ULK4: variants seen among roughly 807,000 people sequenced by gnomAD.
The protein encoded by ULK4 is inactive serine/threonine-protein kinase ULK4.
A neutral mutation model predicts 160.6 loss-of-function variants in ULK4; 133 were observed. That is an observed-to-expected ratio of 0.83 (90% CI 0.72 to 0.96). ULK4 has a LOEUF of 0.96. ULK4 is among the 40% of genes least tolerant of loss of function. The pLI, the probability that ULK4 is intolerant of heterozygous loss-of-function variation, is 0.00. For synonymous variants in ULK4, 534 were observed against 539.8 expected, an observed-to-expected ratio of 0.99 and a Z score of 0.15; for missense variants, 1,580 against 1,499.5, an observed-to-expected ratio of 1.05 and a Z score of -0.89.
chr3:41,645,140 A>C (rs565168116), intron 30 of ULK4, among the ~76,000 whole-genome samples: 4 of 151,888 alleles, frequency 2.6e-5, no homozygotes, highest in African/African-American at 9.7e-5. Context: ...TTTTCAAAAA[A>C]CCAGCTCCTG....
At chr3:41,465,027 AGT>A (rs2083791697) in intron 32 of ULK4, among the ~76,000 whole-genome samples, 1 of 152,232 alleles carries the variant, frequency 6.6e-6, no homozygotes, top group African/African-American at 2.4e-5. Context: ...TACACACTGA[AGT>A]CACCAGCTCC....
chr3:41,786,168 C>A (rs1307981964), intron 21 of ULK4, among the ~76,000 whole-genome samples: 1 of 152,154 alleles, frequency 6.6e-6, no homozygotes, highest in South Asian at 2.1e-4. Flanking sequence ...CAAATTACTG[C>A]GTTTTGTTTA....
At chr3:41,503,918 T>C (rs189915113) in intron 32 of ULK4, among the ~76,000 whole-genome samples, 18 of 152,298 alleles carry the variant, frequency 1.2e-4, no homozygotes, top group African/African-American at 2.9e-4. Context: ...CATTTGGAAC[T>C]AGTCATTTCA....
chr3:41,723,311 T>G (rs1255383806), intron 22 of ULK4, among the ~76,000 whole-genome samples: 1 of 152,126 alleles, frequency 6.6e-6, no homozygotes, highest in African/African-American at 2.4e-5. Flanking sequence ...TTGTTGATCT[T>G]TTGTTATTGA....
intron 36 of ULK4, among the ~76,000 whole-genome samples, chr3:41,249,276 C>T (rs1002441858): frequency 1.3e-5 from 2 of 152,192 alleles, no homozygotes; most frequent in Non-Finnish European, 2.9e-5. Context: ...TGATTCCTGT[C>T]CCCTCACTTT....
intron 22 of ULK4, among the ~76,000 whole-genome samples, chr3:41,735,863 C>A (rs1164627041): frequency 8.8e-6 from 1 of 114,154 alleles, no homozygotes; most frequent in Non-Finnish European, 1.7e-5. Context: ...CACAACAGTC[C>A]CCAGAGTGTG....
intron 1 of ULK4, among the ~76,000 whole-genome samples, chr3:41,958,006 T>TCTAGCCTGG (rs1167379780): frequency 6.8e-6 from 1 of 147,978 alleles, no homozygotes; most frequent in Non-Finnish European, 1.5e-5. Flanking sequence ...ATCTCACCAC[T>TCTAGCCTGG]GCACTCTAGC....
chr3:41,407,056 A>G (rs1304171611), intron 34 of ULK4, among the ~76,000 whole-genome samples: 1 of 152,222 alleles, frequency 6.6e-6, no homozygotes, highest in African/African-American at 2.4e-5. Flanking sequence ...TAGAGTTGAT[A>G]GGACAAGTTT....
At chr3:41,950,406 GA>G (rs1331189264) in intron 2 of ULK4, among the ~76,000 whole-genome samples, 4 of 152,076 alleles carry the variant, frequency 2.6e-5, no homozygotes, top group Non-Finnish European at 5.9e-5. Context: ...ATGCCCGGCT[GA>G]TTTTTTTGTA....
chr3:41,525,941 C>T (rs1451274428), intron 32 of ULK4, among the ~76,000 whole-genome samples: 2 of 152,296 alleles, frequency 1.3e-5, no homozygotes, highest in Non-Finnish European at 2.9e-5. Flanking sequence ...TATCTGCCAC[C>T]TCCCTGAGGA....
intron 1 of ULK4, among the ~76,000 whole-genome samples, chr3:41,957,177 G>T (rs1009615743): frequency 1.3e-5 from 2 of 152,042 alleles, no homozygotes; most frequent in Admixed American, 6.6e-5. Flanking sequence ...TTTCAGGCTG[G>T]GTGCAGTGGC....
rs376403198 is a variant in ULK4, at chr3:41,389,315, A to C, written c.3678+8764T>G. On this transcript the variant is annotated intron_variant, in intron 35 of 36. Transcript: ENST00000301831. ...CTAGATATACAATCATGTCATCTGG[A>C]AACAGGGACAATTTGACTTCCTGTT... Among the ~76,000 whole-genome samples, 12 of 152,272 alleles carry C rather than the reference A, an allele frequency of 7.9e-5. No homozygotes were observed. The East Asian group carries it at 1.9e-3, about 24-fold the overall frequency.
At chr3:41,803,745 T>C (rs946799094) in intron 19 of ULK4, among the ~76,000 whole-genome samples, 2 of 152,136 alleles carry the variant, frequency 1.3e-5, no homozygotes, top group Admixed American at 6.5e-5. Context: ...GTTTGGTTTT[T>C]TGTCCTTGCA....
intron 21 of ULK4, among the ~76,000 whole-genome samples, chr3:41,764,360 C>A (rs2039088417): frequency 6.6e-6 from 1 of 151,914 alleles, no homozygotes; most frequent in South Asian, 2.1e-4. Flanking sequence ...ACTAGATAAC[C>A]ATAAAGATTG....
chr3:41,726,052 T>TA (rs1053374241), intron 22 of ULK4, among the ~76,000 whole-genome samples: 1 of 152,146 alleles, frequency 6.6e-6, no homozygotes, highest in African/African-American at 2.4e-5. Flanking sequence ...TTACAGAGTA[T>TA]AAAAAAAGCA....
intron 34 of ULK4, among the ~76,000 whole-genome samples, chr3:41,424,675 C>G (rs1169227808): frequency 3.3e-5 from 5 of 151,830 alleles, no homozygotes; most frequent in African/African-American, 9.7e-5. Context: ...CTGAAGCAGC[C>G]CTATGGAAGA....
chr3:41,510,676 G>A (rs1322092479), intron 32 of ULK4, among the ~76,000 whole-genome samples: 1 of 152,038 alleles, frequency 6.6e-6, no homozygotes, highest in Non-Finnish European at 1.5e-5. Flanking sequence ...AACACCAAAA[G>A]GAACCCTCAA....
At chr3:41,437,142 CT>C (rs1196840845) in intron 34 of ULK4, among the ~76,000 whole-genome samples, 1 of 152,176 alleles carries the variant, frequency 6.6e-6, no homozygotes, top group African/African-American at 2.4e-5. Flanking sequence ...GTATTCTGAT[CT>C]TTTCTGGCAG....
At chr3:41,794,300 G>C (rs2040229808) in intron 20 of ULK4, among the ~76,000 whole-genome samples, 2 of 152,104 alleles carry the variant, frequency 1.3e-5, no homozygotes, top group Admixed American at 6.6e-5. Flanking sequence ...GATATCTACT[G>C]AGCATCTACC....
Sources: gnomAD v4.1 joint callset for allele counts (sites outside exome capture counted in the v4.1 genomes callset) on GRCh38, gnomAD v4.1.1 for gene constraint, MANE v1.5 for transcripts, NCBI Gene and HGNC (gene_info 2026-07-23, HGNC 2026-07-21) for gene names.